The following DCST2 variants were observed in gnomAD, a reference collection of about 807,000 sequenced individuals.
The protein encoded by DCST2 is DC-STAMP domain containing 2.
A neutral mutation model predicts 81.8 loss-of-function variants in DCST2; 64 were observed. The observed-to-expected ratio is 0.78, with a 90% CI of 0.64 to 0.96. DCST2 has a LOEUF of 0.96. Among genes scored for constraint, DCST2 ranks in the 40% least tolerant of loss-of-function variants. The pLI, the probability that DCST2 is intolerant of heterozygous loss-of-function variation, is 0.00. For missense variants in DCST2, 945 were observed against 1,001.4 expected (o/e 0.94, Z 0.76); for synonymous variants, 354 against 402.6 (o/e 0.88, Z 1.44).
chr1:155,028,868 CAAAA>C (rs71767777), intron 8 of DCST2, among the ~76,000 whole-genome samples: 3 of 101,504 alleles, frequency 3.0e-5, no homozygotes, highest in East Asian at 2.6e-4. Flanking sequence ...GACTCTGTCT[CAAAA>C]AAAAAAAAAA....
chr1:155,019,347 C>A (rs984731225), intron 14 of DCST2, among the ~76,000 whole-genome samples: 1 of 152,226 alleles, frequency 6.6e-6, no homozygotes, highest in Non-Finnish European at 1.5e-5. Flanking sequence ...GATGCCGGCT[C>A]TGGACTCCTG....
At position 155,023,112 on chromosome 1, in the gene DCST2, C is replaced by T. The variant is rs1659797038; in HGVS notation, c.2105+5G>A. The T allele has an allele frequency of 6.2e-7, 1 of 1,610,520 alleles. No individual in the cohort carries two copies. The highest frequency in any genetic ancestry group is 8.5e-7 in the Non-Finnish European group (1 of 1,179,720). On this transcript the variant is annotated splice_donor_5th_base_variant and intron_variant, in intron 14 of 14. Transcript: ENST00000368424. ...CCCAGGTGCCAACTCCTGCTTCCTG[C>T]TCACCTGGACTCGGAAGTGGACTCC...
At position 155,019,991 on chromosome 1, in the gene DCST2, C is replaced by T. The variant is rs57295814; in HGVS notation, c.2106-1231G>A. ...TCAGCAGGTGCTCTTGCCTCCTACT[C>T]CCCAAAGAGAAGCGAGGCCACCAGG... On this transcript the variant is annotated intron_variant, in intron 14 of 14. Transcript: ENST00000368424. 6.1e-3 allele frequency among the ~76,000 whole-genome samples: 930 copies of T among 152,294 alleles called. 4 individuals are homozygous for T. The highest frequency in any genetic ancestry group is 0.021 in the African/African-American group (854 of 41,566).
rs757832765 is a variant in DCST2 at position 155,029,335 on chromosome 1, G to T, written c.1240C>A (p.Arg414=). Residue 414 remains arginine, a synonymous_variant, in exon 8 of 15, where the codon CGA becomes AGA. Coordinates refer to ENST00000368424, the MANE Select transcript of DCST2 (RefSeq NM_144622.3). ...AGGAACAGCACGAGGAGGAGGTGTCGGATAAGGTTGAAGGTCTCCAGAATG... is the reference window on the plus strand; with the variant it reads ...AGGAACAGCACGAGGAGGAGGTGTCTGATAAGGTTGAAGGTCTCCAGAATG... The part of the protein sequence containing the change: ...FYILETFNLI[R]HLLLVLFLVF... 1.9e-6 allele frequency: 3 copies of T among 1,614,028 alleles called. 1 individual carries two copies. In the East Asian group the frequency reaches 6.7e-5, roughly 36 times the overall value.
Position 155,023,117 on chromosome 1 carries a change from C to A in DCST2, c.2105G>T (p.Ser702Ile). 1 of 1,611,464 alleles carries A rather than the reference C, an allele frequency of 6.2e-7. No individual in the cohort carries two copies. The change falls in exon 14 of 15, where the codon AGT becomes ATT. Residue 702 changes from serine (S) to isoleucine (I), a missense_variant and splice_region_variant. Ser to Ile is a moderately radical substitution (Grantham distance 142). Transcript: ENST00000368424. Reference sequence around the variant, plus strand: ...GTGCCAACTCCTGCTTCCTGCTCACCTGGACTCGGAAGTGGACTCCATTGA... The same window carrying A: ...GTGCCAACTCCTGCTTCCTGCTCACATGGACTCGGAAGTGGACTCCATTGA... ...SLSMESTSESSDLDEEKGPQQ... is the reference protein window; with the variant it reads ...SLSMESTSESIDLDEEKGPQQ...
At chr1:155,031,501 A>C in intron 4 of DCST2, 73 bp downstream of exon 4, 2 of 1,450,890 alleles carry the variant, frequency 1.4e-6, no homozygotes, top group Non-Finnish European at 1.9e-6. Context: ...TGCCCTCCCA[A>C]CTGACCCCCA....
Position 155,024,593 on chromosome 1 carries a change from A to G in DCST2, c.1621T>C (p.Ser541Pro), listed in dbSNP as rs1291005181. ...CTCAGAAGTACATTGTACAGGTAGGAGATCCTCTCCTGGTGCGGGGAGATC... is the reference window on the plus strand; with the variant it reads ...CTCAGAAGTACATTGTACAGGTAGGGGATCCTCTCCTGGTGCGGGGAGATC... ...YYPSREQERI[S>P]YLYNVLLSRR... Residue 541 changes from serine (S) to proline (P), a missense_variant, in exon 11 of 15, where the codon TCC (serine) becomes CCC (proline). Ser to Pro is a moderately conservative substitution (Grantham distance 74). Coordinates refer to ENST00000368424, the MANE Select transcript of DCST2 (RefSeq NM_144622.3). 1.2e-6 allele frequency: 2 copies of G among 1,600,646 alleles called. No homozygotes were observed. The highest frequency in any genetic ancestry group is 2.3e-5 in the East Asian group (1 of 43,938).
intron 14 of DCST2, among the ~76,000 whole-genome samples, 171 bp downstream of exon 14, chr1:155,022,946 C>T (rs1208880871): frequency 6.6e-6 from 1 of 152,214 alleles, no homozygotes; most frequent in African/African-American, 2.4e-5. Flanking sequence ...TCCTCCTGGG[C>T]CACGGTGCTG....
intron 8 of DCST2, 95 bp from the exon 9 acceptor site, chr1:155,026,810 C>T: frequency 6.8e-7 from 1 of 1,472,278 alleles, no homozygotes; most frequent in South Asian, 1.2e-5. Flanking sequence ...CAGCGCAGGT[C>T]ATAGGATGAC....
intron 1 of DCST2, 26 bp downstream of exon 1, chr1:155,033,408 C>T (rs773034558): frequency 1.9e-6 from 3 of 1,607,368 alleles, no homozygotes; most frequent in South Asian, 1.1e-5. Context: ...CAGGACCTGC[C>T]CCCTAGCCCT....
At chr1:155,027,214 T>C (rs1325349447) in intron 8 of DCST2, among the ~76,000 whole-genome samples, 2 of 147,296 alleles carry the variant, frequency 1.4e-5, no homozygotes, top group Admixed American at 1.4e-4. Context: ...TTTTTTTTTT[T>C]TTTTTTGTAA....
In DCST2 at chr1:155,033,511, G is replaced by A; in HGVS notation, c.191C>T (p.Ala64Val). The change falls in exon 1 of 15, where the codon GCC becomes GTC. Residue 64 changes from alanine (A) to valine (V), a missense_variant. Physicochemically the swap from Ala to Val is moderately conservative, Grantham distance 64. Coordinates refer to ENST00000368424, the MANE Select transcript of DCST2 (RefSeq NM_144622.3). ...GAATCCCATGCCCAGGCTAAGGAAG[G>A]CAGCCAAAGTGAGGGTGCCCACCAG... ...GCLVGTLTLAAFLSLGMGFSR... is the reference protein window; with the variant it reads ...GCLVGTLTLAVFLSLGMGFSR... The A allele has an allele frequency of 6.2e-7, 1 of 1,614,018 alleles. No individual in the cohort carries two copies. Among genetic ancestry groups the A allele is most frequent in the South Asian group, 1.1e-5 (1 of 91,086 alleles).
chr1:155,030,982 C>A, intron 5 of DCST2, 187 bp downstream of exon 5: 1 of 671,202 alleles, frequency 1.5e-6, no homozygotes. Context: ...GAGGCACTGG[C>A]CCTTCGCTGG....
At chr1:155,031,794 C>T in intron 3 of DCST2, 23 bp from the exon 4 acceptor site, 1 of 1,611,110 alleles carries the variant, frequency 6.2e-7, no homozygotes. Context: ...GCAGGGTTGG[C>T]ACCCAGGGCT....
At position 155,026,327 on chromosome 1, in the gene DCST2, G is replaced by A; in HGVS notation, c.1586C>T (p.Ala529Val). 2 of 1,613,854 alleles carry A rather than the reference G, an allele frequency of 1.2e-6. No individual in the cohort carries two copies. The highest frequency in any genetic ancestry group is 1.7e-6 in the Non-Finnish European group (2 of 1,180,022). Residue 529 changes from alanine (A) to valine (V), a missense_variant, in exon 10 of 15, where the codon GCC (alanine) becomes GTC (valine). Physicochemically the swap from Ala to Val is moderately conservative, Grantham distance 64 (BLOSUM62 0). Transcript: ENST00000368424. ...YVSRLRRVICASYYPSREQER... is the reference protein window; with the variant it reads ...YVSRLRRVICVSYYPSREQER... ...CTGCTCCCGGGATGGGTAGTAGGAG[G>A]CACAGATGACTCGCCGCAGCCGGCT... is the stretch of plus-strand genomic sequence containing the variant.
chr1:155,033,627 G>T lies in DCST2; in HGVS notation c.75C>A (p.Arg25=). ...EEPSMARAVV[R]SVGGFTLGLS... is the part of the protein sequence containing the mutation. Reference sequence around the variant, plus strand: ...AGCCCAGGGTAAAACCTCCCACGCTGCGAACCACAGCTCTCGCCATGCTAG... The same window carrying T: ...AGCCCAGGGTAAAACCTCCCACGCTTCGAACCACAGCTCTCGCCATGCTAG... The change falls in exon 1 of 15, where the codon CGC becomes CGA. Residue 25 remains arginine, a synonymous_variant. Transcript: ENST00000368424. 1 of 1,614,190 alleles carries T rather than the reference G, an allele frequency of 6.2e-7. No individual in the cohort carries two copies.
chr1:155,032,607 G>A (rs1053253027), intron 3 of DCST2, 60 bp downstream of exon 3: 9 of 1,470,842 alleles, frequency 6.1e-6, no homozygotes, highest in Admixed American at 1.7e-5. Flanking sequence ...ATGAGCCACC[G>A]CACCCGGCCA....
Position 155,033,706 on chromosome 1 carries a change from G to T in DCST2, c.-5C>A. 1 of 1,610,864 alleles carries T rather than the reference G, an allele frequency of 6.2e-7. No individual in the cohort carries two copies. Among genetic ancestry groups the T allele is most frequent in the Non-Finnish European group, 8.5e-7 (1 of 1,177,832 alleles). On this transcript the variant is annotated 5_prime_UTR_variant, in exon 1 of 15. Transcript: ENST00000368424. ...ATCCTTCATGACTTTGGGCATGGCT[G>T]CTGAGACCAAATGTCTGCCTGTCTC...
intron 14 of DCST2, among the ~76,000 whole-genome samples, chr1:155,019,963 C>T: frequency 6.6e-6 from 1 of 152,234 alleles, no homozygotes; most frequent in East Asian, 1.9e-4. Flanking sequence ...CTGCTCTGCT[C>T]TCTCAGCAGG....
Sources: allele counts gnomAD v4.1 joint callset (sites outside exome capture counted in the v4.1 genomes callset), GRCh38; gene constraint gnomAD v4.1.1; transcripts MANE v1.5; gene names NCBI Gene and HGNC (gene_info 2026-07-23, HGNC 2026-07-21).